SAP130: variants seen among roughly 807,000 people sequenced by gnomAD.
SAP130 encodes the protein Sin3A associated protein 130.
Under a neutral mutation model 103.2 loss-of-function variants are expected in SAP130, and 16 were observed. The observed-to-expected ratio is 0.16, with a 90% CI of 0.10 to 0.24. The LOEUF is 0.24. Among genes scored for constraint, SAP130 ranks in the 10% least tolerant of loss-of-function variants. The probability of loss-of-function intolerance (pLI) is 1.00; values close to 1 mark genes in which losing one functional copy is unlikely to be tolerated. For missense variants in SAP130, 990 were observed against 1,359.7 expected (o/e 0.73, Z 4.28); for synonymous variants, 477 against 497.0 (o/e 0.96, Z 0.53).
At chr2:127,985,893 C>A (rs556498794) in intron 14 of SAP130, among the ~76,000 whole-genome samples, 62 of 152,016 alleles carry the variant, frequency 4.1e-4, no homozygotes, top group Admixed American at 8.5e-4. Context: ...GGCGAGAGGA[C>A]AGCAAGGGGA....
chr2:128,003,339 T>C (rs1327918037), intron 7 of SAP130, among the ~76,000 whole-genome samples: 1 of 151,580 alleles, frequency 6.6e-6, no homozygotes, highest in Non-Finnish European at 1.5e-5. Context: ...AGGCCCAGTC[T>C]CTATGAAAAA....
chr2:128,026,245 C>T lies in SAP130; in HGVS notation c.48G>A (p.Leu16=), dbSNP rs1685488622. The T allele has an allele frequency of 6.2e-7, 1 of 1,614,172 alleles. No homozygotes were observed. Among genetic ancestry groups the T allele is most frequent in the Non-Finnish European group, 8.5e-7 (1 of 1,180,014 alleles). Residue 16 remains leucine (L), a synonymous_variant, in exon 2 of 21, where the codon CTG becomes CTA. Coordinates refer to ENST00000643581, the MANE Select transcript of SAP130 (RefSeq NM_001330301.2). ...FPRLGAPSTG[L]SQAPSQIANS... Reference sequence around the variant, plus strand: ...TTGCAATCTGAGAAGGGGCCTGGCTCAGCCCGGTAGAAGGGGCTCCTAACC... The same window carrying T: ...TTGCAATCTGAGAAGGGGCCTGGCTTAGCCCGGTAGAAGGGGCTCCTAACC...
Position 127,955,731 on chromosome 2 carries a change from G to A in SAP130, c.2064-387C>T, listed in dbSNP as rs1447814336. ...TCCAACTCCTGAACTCAAGTGATCC[G>A]CCTGCCTCGGCCTCCCAAAGTGATG... On this transcript the variant is annotated intron_variant, in intron 15 of 20. Coordinates refer to ENST00000643581, the MANE Select transcript of SAP130 (RefSeq NM_001330301.2). This position sits in a 1 kb window ranked among gnomAD's most constrained non-coding sequence, Gnocchi z 4.9. Among the ~76,000 whole-genome samples the A allele has an allele frequency of 2.6e-5, 4 of 151,970 alleles. No individual in the cohort carries two copies. Among genetic ancestry groups the A allele is most frequent in the African/African-American group, 4.8e-5 (2 of 41,366 alleles).
intron 15 of SAP130, among the ~76,000 whole-genome samples, chr2:127,970,221 C>CAA (rs1175902128): frequency 5.5e-4 from 33 of 60,254 alleles, no homozygotes; most frequent in Middle Eastern, 0.014. Context: ...GACTCCGTCT[C>CAA]AAAAAAAAAA....
chr2:127,945,660 A>AT (rs919168283), intron 18 of SAP130, 101 bp from the exon 19 acceptor site: 5,352 of 647,404 alleles, frequency 8.3e-3, no homozygotes, highest in Non-Finnish European at 9.3e-3. Flanking sequence ...CAAGAATTTT[A>AT]TTTTTTTTTT....
chr2:127,995,657 A>G (rs1488235915), intron 11 of SAP130, among the ~76,000 whole-genome samples: 2 of 152,216 alleles, frequency 1.3e-5, no homozygotes, highest in African/African-American at 4.8e-5. Context: ...ATAGATCTAC[A>G]ACTATTGAAT....
rs146726337 is a variant in SAP130 at position 127,942,514 on chromosome 2, A to G, written c.2925T>C (p.Tyr975=). Residue 975 remains tyrosine (Y), a synonymous_variant, in exon 20 of 21, where the codon TAT becomes TAC. Transcript: ENST00000643581. This position sits in a 1 kb window ranked among gnomAD's most constrained non-coding sequence, Gnocchi z 4.8. ...CTTCCTGCAGGTTAGTAAGTCTTTC[A>G]TAGACATCATGTTCTAGATTCGTCT... The part of the protein sequence containing the change: ...LQLTNLEHDV[Y]ERLTNLQEGI... 2 of 1,611,324 alleles carry G rather than the reference A, an allele frequency of 1.2e-6. No individual in the cohort carries two copies. Among genetic ancestry groups the G allele is most frequent in the Non-Finnish European group, 1.7e-6 (2 of 1,177,446 alleles).
intron 16 of SAP130, among the ~76,000 whole-genome samples, chr2:127,952,897 TG>T (rs1679590019): frequency 6.6e-6 from 1 of 152,186 alleles, no homozygotes; most frequent in Non-Finnish European, 1.5e-5. Flanking sequence ...GGACTGCTTC[TG>T]TCTTTATCAA....
intron 1 of SAP130, among the ~76,000 whole-genome samples, chr2:128,027,527 G>A (rs1217802707): frequency 1.3e-5 from 2 of 152,042 alleles, no homozygotes; most frequent in Non-Finnish European, 2.9e-5. Flanking sequence ...GGAGCGGGGA[G>A]GCCCCGCCTC....
intron 19 of SAP130, among the ~76,000 whole-genome samples, chr2:127,944,069 T>C (rs556492392): frequency 2.6e-5 from 4 of 152,314 alleles, no homozygotes; most frequent in East Asian, 3.9e-4. Flanking sequence ...TCTTACTCTG[T>C]TATCCAGGAT....
chr2:127,997,532 C>T (rs1030448373), intron 10 of SAP130, among the ~76,000 whole-genome samples: 1 of 152,144 alleles, frequency 6.6e-6, no homozygotes, highest in Non-Finnish European at 1.5e-5. Flanking sequence ...GAGAAGTTTT[C>T]GCAGGGTGAT....
At chr2:128,015,227 C>G (rs1684687575) in intron 4 of SAP130, among the ~76,000 whole-genome samples, 1 of 152,220 alleles carries the variant, frequency 6.6e-6, no homozygotes, top group African/African-American at 2.4e-5. Flanking sequence ...TTTCCCTGTT[C>G]TGGCCAAATG....
At chr2:128,020,409 T>C (rs1012730501) in intron 2 of SAP130, among the ~76,000 whole-genome samples, 2 of 152,246 alleles carry the variant, frequency 1.3e-5, no homozygotes, top group Non-Finnish European at 2.9e-5. Context: ...AACAGACTTA[T>C]AACAAATACA....
chr2:127,945,641 T>C (rs1193158233), intron 18 of SAP130, 82 bp from the exon 19 acceptor site: 1 of 829,306 alleles, frequency 1.2e-6, no homozygotes, highest in Non-Finnish European at 2.0e-6. Context: ...GTAAATGCCA[T>C]TATTTTAACA....
At position 127,975,832 on chromosome 2, in the gene SAP130, G is replaced by A. The variant is rs751154858; in HGVS notation, c.2063+2153C>T. On this transcript the variant is annotated intron_variant, in intron 15 of 20. Transcript: ENST00000643581. ...ATGAAGGGGTCTCAGAAGTTACGCC[G>A]GCAAAAACCTTCACATTTAATGAAG... 1.0e-3 allele frequency among the ~76,000 whole-genome samples: 153 copies of A among 152,154 alleles called. 1 individual carries two copies. Among genetic ancestry groups the A allele is most frequent in the Non-Finnish European group, 1.5e-3 (102 of 68,002 alleles).
In SAP130 at chr2:127,996,245, G is replaced by A; in HGVS notation, c.1355+105C>T. ...CTTTCAGGGGAAAATCTGAAAACAT[G>A]AGTAATAAATATAGGCCATATTTGT... On this transcript the variant is annotated intron_variant, in intron 11 of 20. Transcript: ENST00000643581. The surrounding 1 kb of genome is among the most constrained non-coding windows in gnomAD (Gnocchi z 4.3). 1 of 1,066,988 alleles carries A rather than the reference G, an allele frequency of 9.4e-7. No individual in the cohort carries two copies. The highest frequency in any genetic ancestry group is 1.2e-6 in the Non-Finnish European group (1 of 800,390). 66.1% of individuals were successfully genotyped at this position (1,066,988 alleles called of 1,614,324 possible). A position where few individuals can be genotyped will look rare whatever the true frequency, so the allele number is the denominator to read the frequency against.
chr2:128,009,104 C>T (rs1273381820), intron 7 of SAP130, among the ~76,000 whole-genome samples: 1 of 152,278 alleles, frequency 6.6e-6, no homozygotes, highest in East Asian at 1.9e-4. Flanking sequence ...TGACTCCTCT[C>T]CTTCTTTCAC....
intron 15 of SAP130, among the ~76,000 whole-genome samples, chr2:127,959,243 T>C (rs11682273): frequency 0.19 from 28,575 of 151,920 alleles, 3,263 homozygotes; most frequent in South Asian, 0.38. Flanking sequence ...GAGAAGCTGA[T>C]AACATGGAAA....
rs1351268396 is a variant in SAP130 at position 127,942,048 on chromosome 2, A to G, written c.3132T>C (p.Thr1044=). 6.2e-7 allele frequency: 1 copy of G among 1,606,520 alleles called. No homozygotes were observed. The highest frequency in any genetic ancestry group is 8.5e-7 in the Non-Finnish European group (1 of 1,178,836). ...GCTTCAATTTGGACACTTTTTTGACAGTCCCGTTCTTGTTAAGCAGCTTCA... is the reference window on the plus strand; with the variant it reads ...GCTTCAATTTGGACACTTTTTTGACGGTCCCGTTCTTGTTAAGCAGCTTCA... The part of the protein sequence containing the change: ...RVLKLLNKNG[T]VKKVSKLKRK... The change falls in exon 21 of 21, where the codon ACT becomes ACC. Residue 1044 remains threonine (T), a synonymous_variant. Transcript: ENST00000643581. The surrounding 1 kb of genome is among the most constrained non-coding windows in gnomAD (Gnocchi z 4.8).
Sources: gnomAD v4.1 joint callset for allele counts (sites outside exome capture counted in the v4.1 genomes callset) on GRCh38, gnomAD v4.1.1 for gene constraint, Gnocchi (gnomAD v3.1) non-coding constraint, MANE v1.5 for transcripts, NCBI Gene and HGNC (gene_info 2026-07-23, HGNC 2026-07-21) for gene names.